N4BP2L2: variants seen among roughly 807,000 people sequenced by gnomAD.
N4BP2L2 encodes the protein NEDD4-binding protein 2-like 2.
In N4BP2L2, 50 loss-of-function variants were observed where a neutral mutation model predicts 56.2. The ratio of observed to expected loss-of-function variants is 0.89; its 90% CI spans 0.71 to 1.13. N4BP2L2 has a LOEUF of 1.13. N4BP2L2 is among the 50% of genes most tolerant of loss of function. The pLI is 0.00. For synonymous variants in N4BP2L2, 203 were observed against 223.6 expected, an observed-to-expected ratio of 0.91 and a Z score of 0.82; for missense variants, 689 against 693.8, an observed-to-expected ratio of 0.99 and a Z score of 0.08.
intron 6 of N4BP2L2, among the ~76,000 whole-genome samples, chr13:32,467,103 T>C (rs1208604019): frequency 1.3e-5 from 2 of 152,156 alleles, no homozygotes; most frequent in African/African-American, 4.8e-5. Flanking sequence ...TTCTCATAGA[T>C]CAAAAATAGT....
chr13:32,537,602 T>A (rs2053096544), intron 1 of N4BP2L2, among the ~76,000 whole-genome samples: 1 of 152,128 alleles, frequency 6.6e-6, no homozygotes, highest in Admixed American at 6.5e-5. Flanking sequence ...CCCTTAACTG[T>A]GAGTAGTTAG....
At chr13:32,473,660 G>T (rs1320864860) in intron 6 of N4BP2L2, among the ~76,000 whole-genome samples, 1 of 152,176 alleles carries the variant, frequency 6.6e-6, no homozygotes, top group Non-Finnish European at 1.5e-5. Flanking sequence ...CCATTTCCTT[G>T]TCCTTTCCAG....
intron 2 of N4BP2L2, among the ~76,000 whole-genome samples, chr13:32,530,663 A>G (rs1269067682): frequency 6.6e-6 from 1 of 152,168 alleles, no homozygotes; most frequent in African/African-American, 2.4e-5. Context: ...TGCCAATTTG[A>G]TAATAAACTA....
chr13:32,477,823 A>G (rs2083673632), intron 6 of N4BP2L2: 3 of 1,256,332 alleles, frequency 2.4e-6, no homozygotes, highest in Non-Finnish European at 3.1e-6. Flanking sequence ...TACTCAGCGG[A>G]TTATTGGCAT....
chr13:32,534,664 C>T (rs1339399583), intron 2 of N4BP2L2, among the ~76,000 whole-genome samples: 2 of 152,166 alleles, frequency 1.3e-5, no homozygotes, highest in Admixed American at 6.5e-5. Flanking sequence ...CTTGAAATAT[C>T]ACAAATTAAA....
intron 2 of N4BP2L2, among the ~76,000 whole-genome samples, chr13:32,527,919 G>A (rs1043940567): frequency 6.6e-6 from 1 of 151,802 alleles, no homozygotes; most frequent in Non-Finnish European, 1.5e-5. Context: ...TTACAAGCAT[G>A]TGCCACCATG....
At chr13:32,482,660 C>A (rs1382537648) in intron 6 of N4BP2L2, among the ~76,000 whole-genome samples, 1 of 152,110 alleles carries the variant, frequency 6.6e-6, no homozygotes, top group African/African-American at 2.4e-5. Flanking sequence ...GCCACTGTGC[C>A]TGGCCTTAGA....
At chr13:32,526,154 C>T (rs2052692258) in intron 3 of N4BP2L2, among the ~76,000 whole-genome samples, 1 of 151,984 alleles carries the variant, frequency 6.6e-6, no homozygotes, top group Non-Finnish European at 1.5e-5. Flanking sequence ...TAGACAACTA[C>T]AGCATGTGGA....
intron 6 of N4BP2L2, among the ~76,000 whole-genome samples, chr13:32,488,410 G>A (rs2086353520): frequency 6.6e-6 from 1 of 152,122 alleles, no homozygotes; most frequent in African/African-American, 2.4e-5. Flanking sequence ...ACTACTAGAG[G>A]GTAGAGGGAT....
chr13:32,434,380 GA>G (rs1180239470), intron 9 of N4BP2L2, among the ~76,000 whole-genome samples: 1 of 151,172 alleles, frequency 6.6e-6, no homozygotes, highest in Non-Finnish European at 1.5e-5. Context: ...TTACAGGCAT[GA>G]GCCACCGTGC....
At chr13:32,451,717 T>A (rs572667078) in intron 6 of N4BP2L2, among the ~76,000 whole-genome samples, 45 of 136,368 alleles carry the variant, frequency 3.3e-4, no homozygotes, top group African/African-American at 1.2e-3. Flanking sequence ...TGCCCAGCTA[T>A]TTTTTTTTTT....
chr13:32,497,680 G>C (rs1566128364), intron 6 of N4BP2L2, among the ~76,000 whole-genome samples: 1 of 152,216 alleles, frequency 6.6e-6, no homozygotes, highest in Non-Finnish European at 1.5e-5. Flanking sequence ...TATCAGAACA[G>C]CAGATATGCC....
intron 6 of N4BP2L2, among the ~76,000 whole-genome samples, chr13:32,476,813 A>G (rs1372437295): frequency 1.3e-5 from 2 of 152,224 alleles, no homozygotes; most frequent in African/African-American, 4.8e-5. Context: ...AGGGAATAAG[A>G]AACTCTAAAT....
At chr13:32,446,111 C>A (rs918858967) in intron 6 of N4BP2L2, among the ~76,000 whole-genome samples, 1 of 152,180 alleles carries the variant, frequency 6.6e-6, no homozygotes, top group Non-Finnish European at 1.5e-5. Flanking sequence ...GAGATTAAAC[C>A]TACCCCCAGC....
At chr13:32,488,502 T>C (rs1403806821) in intron 6 of N4BP2L2, among the ~76,000 whole-genome samples, 2 of 152,202 alleles carry the variant, frequency 1.3e-5, no homozygotes, top group Non-Finnish European at 2.9e-5. Context: ...AATATTCCCA[T>C]GTACTCAATC....
At chr13:32,507,644 T>TA (rs2091170740), downstream of N4BP2L2, 1 of 151,260 alleles carries the variant, frequency 6.6e-6, no homozygotes, top group Admixed American at 6.6e-5. Context: ...AAATAACAGT[T>TA]AGAGCTTTTA....
intron 2 of N4BP2L2, among the ~76,000 whole-genome samples, chr13:32,530,092 C>T (rs969306898): frequency 5.3e-5 from 8 of 152,004 alleles, no homozygotes; most frequent in South Asian, 2.1e-4. Context: ...ATCTAAAAAA[C>T]GGTTTAAATT....
intron 6 of N4BP2L2, among the ~76,000 whole-genome samples, chr13:32,483,396 C>T: frequency 6.6e-6 from 1 of 152,226 alleles, no homozygotes; most frequent in East Asian, 1.9e-4. Flanking sequence ...ATTTTAACCT[C>T]TATATTCTTA....
intron 2 of N4BP2L2, among the ~76,000 whole-genome samples, chr13:32,528,370 A>G (rs1003042826): frequency 6.6e-6 from 1 of 152,260 alleles, no homozygotes; most frequent in Non-Finnish European, 1.5e-5. Context: ...GTGATCCTCC[A>G]AAGTATAATC....
Sources: allele counts gnomAD v4.1 joint callset (sites outside exome capture counted in the v4.1 genomes callset), GRCh38; gene constraint gnomAD v4.1.1; transcripts MANE v1.5; gene names NCBI Gene and HGNC (gene_info 2026-07-23, HGNC 2026-07-21).